The following BMP6 variants were observed in gnomAD, a reference collection of about 807,000 sequenced individuals.
BMP6 encodes the protein bone morphogenetic protein 6, also known as VG-1-R.
A neutral mutation model predicts 54.1 loss-of-function variants in BMP6; 17 were observed. The observed-to-expected ratio is 0.31, with a 90% CI of 0.22 to 0.47. BMP6 has a LOEUF of 0.47. Ranked by LOEUF, BMP6 falls within the 20% of genes least tolerant of loss-of-function variation. BMP6 has a pLI of 1.00. For missense variants in BMP6, 720 were observed against 690.4 expected (o/e 1.04, Z -0.48); for synonymous variants, 328 against 291.2 (o/e 1.13, Z -1.28).
intron 1 of BMP6, among the ~76,000 whole-genome samples, chr6:7,840,101 C>T (rs559736036): frequency 5.3e-5 from 8 of 152,332 alleles, no homozygotes; most frequent in African/African-American, 1.4e-4. Flanking sequence ...GACAGGCAGA[C>T]GACCCTCCAC....
chr6:7,790,140 C>T (rs1485106190), intron 1 of BMP6, among the ~76,000 whole-genome samples: 3 of 152,144 alleles, frequency 2.0e-5, no homozygotes, highest in Non-Finnish European at 1.5e-5. Flanking sequence ...CCCCCTGCTC[C>T]TTTCCAGAAA....
At chr6:7,753,740 A>G (rs1757460642) in intron 1 of BMP6, among the ~76,000 whole-genome samples, 3 of 152,264 alleles carry the variant, frequency 2.0e-5, no homozygotes. Context: ...CTAAATAAGC[A>G]TTAAAGGATA....
At chr6:7,751,360 C>T (rs573024559) in intron 1 of BMP6, among the ~76,000 whole-genome samples, 1 of 152,246 alleles carries the variant, frequency 6.6e-6, no homozygotes, top group African/African-American at 2.4e-5. Flanking sequence ...CCAAAAATAC[C>T]CATCCCAAAT....
intron 1 of BMP6, among the ~76,000 whole-genome samples, chr6:7,788,795 C>T (rs542140165): frequency 6.6e-6 from 1 of 151,532 alleles, no homozygotes; most frequent in East Asian, 1.9e-4. Flanking sequence ...TCCTAAGATA[C>T]GTAGATAGAA....
intron 4 of BMP6, among the ~76,000 whole-genome samples, chr6:7,865,295 G>A (rs1199039806): frequency 6.6e-6 from 1 of 152,056 alleles, no homozygotes; most frequent in Non-Finnish European, 1.5e-5. Flanking sequence ...TCCCAAGCCA[G>A]TACTTCCAAA....
chr6:7,732,106 GCTAT>G (rs1199653893), intron 1 of BMP6, among the ~76,000 whole-genome samples: 14 of 152,114 alleles, frequency 9.2e-5, no homozygotes, highest in Admixed American at 1.3e-4. Flanking sequence ...GATATAATGC[GCTAT>G]CTCTTTCTCC....
intron 1 of BMP6, among the ~76,000 whole-genome samples, chr6:7,745,147 A>G (rs1244496236): frequency 6.6e-6 from 1 of 152,266 alleles, no homozygotes; most frequent in Non-Finnish European, 1.5e-5. Context: ...GGAATGCCCA[A>G]AAGATCTATT....
chr6:7,784,710 T>G (rs1012444784), intron 1 of BMP6, among the ~76,000 whole-genome samples: 3 of 152,064 alleles, frequency 2.0e-5, no homozygotes, highest in Admixed American at 6.6e-5. Context: ...GAGAAGGAAG[T>G]GTAGTAAGTT....
intron 4 of BMP6, among the ~76,000 whole-genome samples, chr6:7,862,781 C>CT (rs760053791): frequency 4.9e-4 from 75 of 152,136 alleles, no homozygotes; most frequent in Non-Finnish European, 1.0e-3. Context: ...TTCTCCAACT[C>CT]TTTTTTAAAT....
At chr6:7,742,743 C>T (rs909897693) in intron 1 of BMP6, among the ~76,000 whole-genome samples, 2 of 152,082 alleles carry the variant, frequency 1.3e-5, no homozygotes, top group African/African-American at 4.8e-5. Flanking sequence ...TAAGTGGGCA[C>T]AAGTGTGTCC....
intron 2 of BMP6, among the ~76,000 whole-genome samples, chr6:7,850,506 G>A (rs1225050137): frequency 2.6e-5 from 4 of 152,146 alleles, no homozygotes; most frequent in Non-Finnish European, 4.4e-5. Flanking sequence ...GAGTCTCCAG[G>A]AACAATCCCA....
At chr6:7,750,536 T>G (rs1321808309) in intron 1 of BMP6, among the ~76,000 whole-genome samples, 3 of 152,222 alleles carry the variant, frequency 2.0e-5, no homozygotes, top group Admixed American at 6.5e-5. Context: ...TTATTTTTAT[T>G]GGATGGTTTG....
chr6:7,735,423 A>T (rs530329238), intron 1 of BMP6, among the ~76,000 whole-genome samples: 2 of 152,190 alleles, frequency 1.3e-5, no homozygotes, highest in Admixed American at 1.3e-4. Flanking sequence ...CTCCTTTTGA[A>T]TCTATGAATT....
At chr6:7,859,861 G>A (rs935225285) in intron 2 of BMP6, among the ~76,000 whole-genome samples, 14 of 152,074 alleles carry the variant, frequency 9.2e-5, no homozygotes, top group Admixed American at 8.5e-4. Context: ...GTTTATACTT[G>A]GGAAAGACGA....
At chr6:7,817,855 G>A (rs1472942878) in intron 1 of BMP6, among the ~76,000 whole-genome samples, 7 of 152,142 alleles carry the variant, frequency 4.6e-5, no homozygotes, top group Middle Eastern at 3.2e-3. Context: ...GTAGTGTTGC[G>A]AAGGGCTTTG....
intron 1 of BMP6, among the ~76,000 whole-genome samples, chr6:7,733,761 G>C (rs949656384): frequency 1.3e-5 from 2 of 152,150 alleles, no homozygotes; most frequent in African/African-American, 4.8e-5. Flanking sequence ...TCCCATCTCT[G>C]ATCCAGCTTT....
intron 1 of BMP6, among the ~76,000 whole-genome samples, chr6:7,729,017 C>T (rs1328648031): frequency 2.0e-5 from 3 of 152,282 alleles, no homozygotes; most frequent in Admixed American, 6.5e-5. Flanking sequence ...AGAAATCCTC[C>T]TGGGAAATTC....
chr6:7,765,797 C>T (rs1301085893), intron 1 of BMP6, among the ~76,000 whole-genome samples: 1 of 152,252 alleles, frequency 6.6e-6, no homozygotes, highest in Non-Finnish European at 1.5e-5. Context: ...CGTGTTCCTT[C>T]TGGAGGCTCT....
intron 1 of BMP6, among the ~76,000 whole-genome samples, chr6:7,809,318 G>T (rs1324612342): frequency 3.9e-5 from 6 of 152,166 alleles, no homozygotes; most frequent in African/African-American, 1.4e-4. Flanking sequence ...AAAAAAAGCT[G>T]CTGTTCAAGG....
Sources: allele counts gnomAD v4.1 joint callset (sites outside exome capture counted in the v4.1 genomes callset), GRCh38; gene constraint gnomAD v4.1.1; transcripts MANE v1.5; gene names NCBI Gene and HGNC (gene_info 2026-07-23, HGNC 2026-07-21).